Variants in SHROOM4 observed in about 807,000 individuals in gnomAD.
SHROOM4 encodes shroom family member 4.
A neutral mutation model predicts 80.3 loss-of-function variants in SHROOM4; 17 were observed. That is an observed-to-expected ratio of 0.21 (90% confidence interval 0.14 to 0.32). The LOEUF (loss-of-function observed/expected upper bound fraction) is 0.32, where lower values mean the gene tolerates loss of function less well. Among genes scored for constraint, SHROOM4 ranks in the 10% least tolerant of loss-of-function variants. SHROOM4 has a pLI of 1.00. For missense variants in SHROOM4, 993 were observed against 1,140.3 expected (o/e 0.87, Z 1.86); for synonymous variants, 400 against 437.5 (o/e 0.91, Z 1.07).
chrX:50,638,108 AGAG>A (rs1224280322), intron 3 of SHROOM4, 63 bp downstream of exon 3: 72 of 1,148,371 alleles, frequency 6.3e-5, no homozygotes, highest in Non-Finnish European at 8.0e-5. Context: ...GGACTAGAGC[AGAG>A]GAGGAGGAGT....
At chrX:50,603,686 G>C (rs1929538885) in intron 6 of SHROOM4, among the ~76,000 whole-genome samples, 1 of 111,730 alleles carries the variant, frequency 9.0e-6, no homozygotes, top group Admixed American at 9.5e-5. Context: ...AAAGCCTGTG[G>C]GGCTGAGGCA....
intron 1 of SHROOM4, among the ~76,000 whole-genome samples, chrX:50,731,281 C>T (rs1934365626): frequency 9.0e-6 from 1 of 110,688 alleles, no homozygotes; most frequent in African/African-American, 3.3e-5. Flanking sequence ...CCCCTCTATC[C>T]CCTCTTTCCC....
In SHROOM4 at chrX:50,694,543, A is replaced by ATTTTTTTTTTTTTTTTTT. The variant is rs782530547; in HGVS notation, c.269+1225_269+1242dup. ...AGGTCTTTGCCCATTTTTAAGTTGG[A>ATTTTTTTTTTTTTTTTTT]TTTTTTTTTTTTTTTTTTTTTTTTT... On this transcript the variant is annotated intron_variant, in intron 2 of 8. Transcript: ENST00000376020. Among the ~76,000 whole-genome samples the ATTTTTTTTTTTTTTTTTT allele has an allele frequency of 2.0e-3, 25 of 12,494 alleles. 9 individuals carry two copies. The highest frequency in any genetic ancestry group is 4.3e-3 in the Admixed American group (2 of 467). 10.8% of individuals were successfully genotyped at this position (12,494 alleles called of 115,157 possible). A position where few individuals can be genotyped will look rare whatever the true frequency, so the allele number is the denominator to read the frequency against.
At chrX:50,772,008 ATGTGTGTGTGTG>A (rs10581172) in intron 1 of SHROOM4, among the ~76,000 whole-genome samples, 3 of 103,066 alleles carry the variant, frequency 2.9e-5, no homozygotes, top group African/African-American at 7.1e-5. Context: ...CTTGTTTTTT[ATGTGTGTGTGTG>A]TGTGTGTGTG....
chrX:50,636,772 A>G (rs782177776), intron 3 of SHROOM4, among the ~76,000 whole-genome samples: 16 of 112,133 alleles, frequency 1.4e-4, no homozygotes, highest in African/African-American at 1.6e-4. Context: ...GTAAACTGAC[A>G]AACTCACTAA....
In SHROOM4 at chrX:50,795,083, T is replaced by TATC. The variant is rs782768393; in HGVS notation, c.117+18818_117+18819insGAT. 8.9e-4 allele frequency among the ~76,000 whole-genome samples: 58 copies of TATC among 65,162 alleles called. 10 individuals carry two copies. The highest frequency in any genetic ancestry group is 5.6e-3 in the African/African-American group (57 of 10,149). 56.6% of individuals were successfully genotyped at this position (65,162 alleles called of 115,157 possible). A position where few individuals can be genotyped will look rare whatever the true frequency, so the allele number is the denominator to read the frequency against. ...ATATGATATATATATATGATATATA[T>TATC]ATATGATATATATATATGATATATA... On this transcript the variant is annotated intron_variant, in intron 1 of 8. Transcript: ENST00000376020.
intron 1 of SHROOM4, among the ~76,000 whole-genome samples, chrX:50,778,978 G>T (rs1935568728): frequency 8.9e-6 from 1 of 111,979 alleles, no homozygotes; most frequent in African/African-American, 3.3e-5. Flanking sequence ...TAAATGAGTA[G>T]AGAGATGGGA....
intron 1 of SHROOM4, among the ~76,000 whole-genome samples, chrX:50,779,590 C>A (rs886156186): frequency 3.6e-5 from 4 of 111,953 alleles, no homozygotes; most frequent in Non-Finnish European, 5.6e-5. Flanking sequence ...AACCTGTCTA[C>A]ATCCCCAGCT....
chrX:50,663,957 A>T, intron 2 of SHROOM4, among the ~76,000 whole-genome samples: 1 of 112,307 alleles, frequency 8.9e-6, no homozygotes, highest in African/African-American at 3.2e-5. Flanking sequence ...TGTTAAATCA[A>T]TGAAATTGTA....
intron 1 of SHROOM4, among the ~76,000 whole-genome samples, chrX:50,699,162 G>A (rs1933453397): frequency 1.8e-5 from 2 of 112,281 alleles, no homozygotes; most frequent in African/African-American, 3.2e-5. Flanking sequence ...CAATGTAAAC[G>A]ATGGTTAACT....
intron 1 of SHROOM4, among the ~76,000 whole-genome samples, chrX:50,781,856 G>A (rs1468414225): frequency 1.8e-5 from 2 of 111,316 alleles, no homozygotes; most frequent in Admixed American, 1.9e-4. Context: ...CACATCTCAG[G>A]GACAATAGCA....
chrX:50,750,581 G>C (rs782646544), intron 1 of SHROOM4, among the ~76,000 whole-genome samples: 7 of 111,969 alleles, frequency 6.3e-5, no homozygotes, highest in African/African-American at 2.3e-4. Flanking sequence ...TATTATGACA[G>C]ACCCTTCCTA....
intron 1 of SHROOM4, among the ~76,000 whole-genome samples, chrX:50,719,638 G>A (rs1235743089): frequency 8.9e-6 from 1 of 112,212 alleles, no homozygotes; most frequent in Admixed American, 9.4e-5. Context: ...CACAAGATTT[G>A]GCACATAAGG....
chrX:50,730,787 A>G (rs1409637034), intron 1 of SHROOM4, among the ~76,000 whole-genome samples: 1 of 110,833 alleles, frequency 9.0e-6, no homozygotes, highest in African/African-American at 3.3e-5. Context: ...AAAAAGAAAA[A>G]AAAAAAAAAT....
At chrX:50,597,409 T>C (rs1314822244) in intron 8 of SHROOM4, among the ~76,000 whole-genome samples, 2 of 111,926 alleles carry the variant, frequency 1.8e-5, no homozygotes, top group African/African-American at 6.5e-5. Context: ...TATGTGCCTC[T>C]TGTTGTGGAT....
intron 1 of SHROOM4, among the ~76,000 whole-genome samples, chrX:50,775,420 T>C (rs976723380): frequency 9.0e-6 from 1 of 111,049 alleles, no homozygotes. Flanking sequence ...GAGCGAAGAA[T>C]CCTAGGCATG....
chrX:50,637,556 T>G (rs1931409145), intron 3 of SHROOM4, among the ~76,000 whole-genome samples: 1 of 112,677 alleles, frequency 8.9e-6, no homozygotes, highest in Non-Finnish European at 1.9e-5. Flanking sequence ...AGTCACCGAA[T>G]TGGGGTAAAC....
rs137895914 is a variant in SHROOM4, at chrX:50,612,449, C to G, written c.2958-4265G>C. On this transcript the variant is annotated intron_variant, in intron 5 of 8. Transcript: ENST00000376020. ...CATAGTCTTGTGTTAATTCTACCAA[C>G]CTTCAAGGAAAAAAAATCAAACCAA... Among the ~76,000 whole-genome samples the G allele has an allele frequency of 6.6e-4, 73 of 111,141 alleles. No homozygotes were observed. In the East Asian group the frequency reaches 0.015, roughly 23 times the overall value.
chrX:50,576,666 G>T, the SHROOM4 span, among the ~76,000 whole-genome samples: 1 of 110,434 alleles, frequency 9.1e-6, no homozygotes, highest in Admixed American at 9.7e-5. Flanking sequence ...TCATTTCTCT[G>T]TTTTATTTTT....
Sources: allele counts gnomAD v4.1 joint callset (sites outside exome capture counted in the v4.1 genomes callset), GRCh38; gene constraint gnomAD v4.1.1; transcripts MANE v1.5; gene names NCBI Gene and HGNC (gene_info 2026-07-23, HGNC 2026-07-21).